Variants in GIN1 observed in about 807,000 individuals in gnomAD.
The protein encoded by GIN1 is gypsy retrotransposon integrase 1.
GIN1 carries 41 observed loss-of-function variants against 51.4 expected under a neutral mutation model. The ratio of observed to expected loss-of-function variants is 0.80; its 90% CI spans 0.62 to 1.04. The LOEUF (loss-of-function observed/expected upper bound fraction) is 1.04. Ranked by LOEUF, GIN1 falls within the 50% of genes least tolerant of loss-of-function variation. The pLI is 0.00. For synonymous variants in GIN1, 222 were observed against 206.5 expected (o/e 1.07, Z -0.64); for missense variants, 610 against 612.4 (o/e 1.00, Z 0.04).
At position 103,086,163 on chromosome 5, in the gene GIN1, A is replaced by G. The variant is rs1372212191; in HGVS notation, c.*1735T>C. On this transcript the variant is annotated 3_prime_UTR_variant, in exon 8 of 8. Transcript: ENST00000399004. ...CAATCTCTGTCATTTCTTGGCATATAGAAACATAATCTTAAACTCTGCCTT... is the reference window on the plus strand; with the variant it reads ...CAATCTCTGTCATTTCTTGGCATATGGAAACATAATCTTAAACTCTGCCTT... 1 of 152,208 alleles carries G rather than the reference A, an allele frequency of 6.6e-6. No individual in the cohort carries two copies. The highest frequency in any genetic ancestry group is 1.5e-5 in the Non-Finnish European group (1 of 68,044). 9.4% of individuals were successfully genotyped at this position (152,208 alleles called of 1,614,324 possible). A position where few individuals can be genotyped will look rare whatever the true frequency, so the allele number is the denominator to read the frequency against.
chr5:103,106,693 T>C (rs1474580698), intron 3 of GIN1, 23 bp downstream of exon 3: 1 of 1,328,700 alleles, frequency 7.5e-7, no homozygotes, highest in Admixed American at 2.3e-5. Context: ...TTATTCATAA[T>C]ACTCTAAATA....
chr5:103,112,498 A>G (rs1481202190), intron 1 of GIN1, among the ~76,000 whole-genome samples: 1 of 152,166 alleles, frequency 6.6e-6, no homozygotes, highest in Non-Finnish European at 1.5e-5. Flanking sequence ...CCTACCCTCT[A>G]CAACCTGGCA....
chr5:103,096,731 A>G lies in GIN1; in HGVS notation c.1104T>C (p.His368=). The change falls in exon 7 of 8, where the codon CAT becomes CAC. Residue 368 remains histidine, a synonymous_variant. Coordinates refer to ENST00000399004, the MANE Select transcript of GIN1 (RefSeq NM_017676.2). ...AATTTTTCCTTTGTCTTAAAACTTC[A>G]TGACCCACTTTTAAATGAAATGGAT... is the stretch of plus-strand genomic sequence containing the variant. The part of the protein sequence containing the change: ...QLNPFHLKVG[H]EVLRQRKNWW... The G allele has an allele frequency of 6.2e-7, 1 of 1,613,502 alleles. No homozygotes were observed. The highest frequency in any genetic ancestry group is 1.6e-4 in the Middle Eastern group (1 of 6,062).
chr5:103,098,423 C>A (rs1787469632), intron 4 of GIN1, among the ~76,000 whole-genome samples: 1 of 152,122 alleles, frequency 6.6e-6, no homozygotes, highest in African/African-American at 2.4e-5. Context: ...TACACACATA[C>A]AACAAGGAAA....
chr5:103,097,530 A>G, intron 5 of GIN1, 40 bp from the exon 6 acceptor site: 1 of 1,486,426 alleles, frequency 6.7e-7, no homozygotes, highest in South Asian at 1.2e-5. Flanking sequence ...GTAATAAAAC[A>G]TTTATCTGGC....
intron 2 of GIN1, among the ~76,000 whole-genome samples, chr5:103,107,607 T>G (rs782082074): frequency 2.0e-5 from 3 of 152,126 alleles, no homozygotes; most frequent in Admixed American, 1.3e-4. Context: ...GGAACACTCC[T>G]TATTTTTTAG....
chr5:103,105,529 T>C (rs1455528367), intron 3 of GIN1, among the ~76,000 whole-genome samples: 1 of 152,210 alleles, frequency 6.6e-6, no homozygotes, highest in Non-Finnish European at 1.5e-5. Context: ...TATAATTTCA[T>C]TCATATAAAA....
At chr5:103,117,149 T>G (rs1220237714) in intron 1 of GIN1, among the ~76,000 whole-genome samples, 2 of 152,094 alleles carry the variant, frequency 1.3e-5, no homozygotes, top group African/African-American at 4.8e-5. Context: ...GTTCATCAAC[T>G]GGTGAATGGA....
At chr5:103,097,519 T>C in intron 5 of GIN1, 29 bp from the exon 6 acceptor site, 1 of 1,490,966 alleles carries the variant, frequency 6.7e-7, no homozygotes, top group South Asian at 1.2e-5. Flanking sequence ...ACGTCAATTT[T>C]GTAATAAAAC....
At chr5:103,119,851 G>A (rs1161391643) in intron 1 of GIN1, among the ~76,000 whole-genome samples, 1 of 152,168 alleles carries the variant, frequency 6.6e-6, no homozygotes, top group Non-Finnish European at 1.5e-5. Flanking sequence ...CCCCAGGCCC[G>A]AAACAGCACT....
At chr5:103,107,370 T>G (rs1313158732) in intron 2 of GIN1, among the ~76,000 whole-genome samples, 1 of 152,158 alleles carries the variant, frequency 6.6e-6, no homozygotes, top group Non-Finnish European at 1.5e-5. Flanking sequence ...TCTCAGCTTC[T>G]TCTATATTTG....
At position 103,108,856 on chromosome 5, in the gene GIN1, A is replaced by G. The variant is rs896642278; in HGVS notation, c.-7-142T>C. The stretch of plus-strand genomic sequence containing the variant: ...TTTGTGAGGGAGATAATTGCAGTAC[A>G]GGAAAGGAACAGCGATGTATATGAA... On this transcript the variant is annotated intron_variant, in intron 1 of 7. Coordinates refer to ENST00000399004, the MANE Select transcript of GIN1 (RefSeq NM_017676.2). 1.2e-4 allele frequency: 76 copies of G among 621,712 alleles called. 1 individual carries two copies. Among genetic ancestry groups the G allele is most frequent in the Non-Finnish European group, 7.5e-5 (27 of 361,244 alleles). The allele number at this position is 621,712 out of a possible 1,614,324, so 38.5% of individuals were successfully genotyped here. A position where few individuals can be genotyped will look rare whatever the true frequency, so the allele number is the denominator to read the frequency against.
intron 4 of GIN1, among the ~76,000 whole-genome samples, chr5:103,103,616 T>C (rs1562331397): frequency 6.6e-6 from 1 of 152,232 alleles, no homozygotes. Context: ...GTATTTCTTA[T>C]AAAAAGTTTT....
intron 3 of GIN1, among the ~76,000 whole-genome samples, chr5:103,105,338 A>G (rs540054527): frequency 7.2e-5 from 11 of 152,318 alleles, no homozygotes; most frequent in Non-Finnish European, 1.3e-4. Flanking sequence ...TCTTATTCAC[A>G]TGGAACATAA....
At position 103,097,657 on chromosome 5, in the gene GIN1, GCA is replaced by G. The variant is rs1554195276; in HGVS notation, c.762_763del (p.Ala255Ter). ...ATCATCCCAATTGTTTGGGTGGTCA[GCA>G]CAGTGTTTGGAGAGAAATGCTTTGA... On this transcript the variant is annotated frameshift_variant, in exon 5 of 8. Transcript: ENST00000399004. LOFTEE classifies it high-confidence loss of function. 1 of 1,610,844 alleles carries G rather than the reference GCA, an allele frequency of 6.2e-7. No homozygotes were observed. The highest frequency in any genetic ancestry group is 8.5e-7 in the Non-Finnish European group (1 of 1,177,054).
intron 4 of GIN1, among the ~76,000 whole-genome samples, chr5:103,100,384 C>CTAT (rs782702809): frequency 0.016 from 2,447 of 150,386 alleles, 59 homozygotes; most frequent in African/African-American, 0.056. Flanking sequence ...TGAGCACAGC[C>CTAT]TATTATTATT....
chr5:103,094,456 G>A (rs555529105), intron 7 of GIN1, among the ~76,000 whole-genome samples: 4 of 152,092 alleles, frequency 2.6e-5, no homozygotes, highest in African/African-American at 9.7e-5. Flanking sequence ...GAAGAATCTT[G>A]TGCAAAGAAT....
intron 1 of GIN1, among the ~76,000 whole-genome samples, chr5:103,119,324 T>A (rs539229473): frequency 6.6e-6 from 1 of 152,232 alleles, no homozygotes; most frequent in Admixed American, 6.5e-5. Context: ...TATTTTAAGC[T>A]CCAAAAAATG....
chr5:103,100,212 C>A (rs1787531466), intron 4 of GIN1, among the ~76,000 whole-genome samples: 1 of 151,710 alleles, frequency 6.6e-6, no homozygotes, highest in Admixed American at 6.6e-5. Flanking sequence ...GCGATCTTCC[C>A]ATCTCAGCCT....
Sources: gnomAD v4.1 joint callset for allele counts (sites outside exome capture counted in the v4.1 genomes callset) on GRCh38, gnomAD v4.1.1 for gene constraint, MANE v1.5 for transcripts, NCBI Gene and HGNC (gene_info 2026-07-23, HGNC 2026-07-21) for gene names.